GPR107: variants seen among roughly 807,000 people sequenced by gnomAD.
The protein encoded by GPR107 is protein GPR107.
In GPR107, 31 loss-of-function variants were observed where a neutral mutation model predicts 75.5. The ratio of observed to expected loss-of-function variants is 0.41; its 90% confidence interval spans 0.31 to 0.55. GPR107 has a LOEUF of 0.55. Ranked by LOEUF, GPR107 falls within the 20% of genes least tolerant of loss-of-function variation. GPR107 has a pLI of 0.26. For synonymous variants in GPR107, 267 were observed against 251.3 expected (o/e 1.06, Z -0.59); for missense variants, 572 against 665.7 (o/e 0.86, Z 1.55).
chr9:130,110,354 C>A, intron 14 of GPR107: 3 of 1,506,280 alleles, frequency 2.0e-6, no homozygotes, highest in Non-Finnish European at 2.7e-6. Context: ...GGCAGTTTCT[C>A]ATTTTTTTCC....
intron 15 of GPR107, among the ~76,000 whole-genome samples, chr9:130,125,874 C>T (rs943149211): frequency 6.6e-6 from 1 of 151,636 alleles, no homozygotes; most frequent in Non-Finnish European, 1.5e-5. Context: ...ATGGTGAAAC[C>T]CCATCTCTAC....
chr9:130,068,021 C>T lies in GPR107; in HGVS notation c.142-7615C>T, dbSNP rs541742651. 5.3e-5 allele frequency among the ~76,000 whole-genome samples: 8 copies of T among 151,700 alleles called. No homozygotes were observed. In the East Asian group the frequency reaches 9.7e-4, roughly 18 times the overall value. ...CCCCAAAGTGCTGGGATTACAGGTG[C>T]GAGCCATCGAGCTCAGCCATGATTG... is the stretch of plus-strand genomic sequence containing the variant. On this transcript the variant is annotated intron_variant, in intron 1 of 17. Transcript: ENST00000347136.
At chr9:130,062,500 T>C (rs79139660) in intron 1 of GPR107, among the ~76,000 whole-genome samples, 3,260 of 151,504 alleles carry the variant, frequency 0.022, 48 homozygotes, top group Middle Eastern at 0.035. Flanking sequence ...GTTCATTCAT[T>C]CAACGTTTAT....
chr9:130,094,374 G>T (rs1212622783), intron 9 of GPR107, among the ~76,000 whole-genome samples: 1 of 152,124 alleles, frequency 6.6e-6, no homozygotes, highest in Non-Finnish European at 1.5e-5. Context: ...AACCTGGGAG[G>T]TGGAGCTTGC....
chr9:130,106,381 G>A (rs546104735), intron 13 of GPR107, among the ~76,000 whole-genome samples: 5 of 151,908 alleles, frequency 3.3e-5, no homozygotes, highest in Non-Finnish European at 7.4e-5. Flanking sequence ...GGCGGATCAC[G>A]AGGTCAAGAG....
intron 4 of GPR107, 94 bp downstream of exon 4, chr9:130,077,472 C>T (rs898230278): frequency 6.7e-6 from 5 of 741,062 alleles, no homozygotes; most frequent in African/African-American, 1.7e-5. Context: ...CTGCCATGTG[C>T]CAGAGACCGT....
chr9:130,104,315 C>A, intron 12 of GPR107, 105 bp from the exon 13 acceptor site: 1 of 906,332 alleles, frequency 1.1e-6, no homozygotes, highest in Non-Finnish European at 1.7e-6. Context: ...GCTGTGGTCG[C>A]AGATCGTGGG....
chr9:130,135,264 C>T lies in GPR107; in HGVS notation c.*143C>T, dbSNP rs73541567. The stretch of plus-strand genomic sequence containing the variant: ...GGCACATGGCTGGAGCACAGTGCCG[C>T]GGAAACCTGATTTTGTACTCTCTTT... On this transcript the variant is annotated 3_prime_UTR_variant, in exon 18 of 18. Coordinates refer to ENST00000347136, the MANE Select transcript of GPR107 (RefSeq NM_020960.5). The T allele has an allele frequency of 0.06, 32,665 of 541,290 alleles. 1,176 individuals carry two copies. The highest frequency in any genetic ancestry group is 0.11 in the Admixed American group (3,116 of 28,520). 33.5% of individuals were successfully genotyped at this position (541,290 alleles called of 1,614,324 possible).
At chr9:130,064,127 T>C (rs1389611573) in intron 1 of GPR107, among the ~76,000 whole-genome samples, 1 of 151,506 alleles carries the variant, frequency 6.6e-6, no homozygotes, top group Non-Finnish European at 1.5e-5. Flanking sequence ...TTTATTCTTT[T>C]TGTAACTAAT....
chr9:130,134,998 C>A, intron 17 of GPR107, 27 bp from the exon 18 acceptor site: 1 of 1,307,030 alleles, frequency 7.7e-7, no homozygotes, highest in Non-Finnish European at 1.1e-6. Flanking sequence ...TGAGATGTTC[C>A]TAATTGTTTT....
Position 130,075,622 on chromosome 9 carries a change from A to T in GPR107, c.142-14A>T. 2 of 1,329,792 alleles carry T rather than the reference A, an allele frequency of 1.5e-6. No individual in the cohort carries two copies. The highest frequency in any genetic ancestry group is 2.2e-6 in the Non-Finnish European group (2 of 921,184). 82.4% of individuals were successfully genotyped at this position (1,329,792 alleles called of 1,614,324 possible). A position where few individuals can be genotyped will look rare whatever the true frequency, so the allele number is the denominator to read the frequency against. On this transcript the variant is annotated splice_polypyrimidine_tract_variant and intron_variant, in intron 1 of 17. Coordinates refer to ENST00000347136, the MANE Select transcript of GPR107 (RefSeq NM_020960.5). ...TTTCCATATGACTAATTCCACCACTACAAATCTCTTTAGGATGATGTGAGG... is the reference window on the plus strand; with the variant it reads ...TTTCCATATGACTAATTCCACCACTTCAAATCTCTTTAGGATGATGTGAGG...
Position 130,087,805 on chromosome 9 carries a change from C to CAAAAAAAAAAAAAAAAAAA in GPR107, c.621+1331_621+1349dup, listed in dbSNP as rs35984705. On this transcript the variant is annotated intron_variant, in intron 7 of 17. Coordinates refer to ENST00000347136, the MANE Select transcript of GPR107 (RefSeq NM_020960.5). ...TGGGTGACAGAGTGAGACCCTGTCT[C>CAAAAAAAAAAAAAAAAAAA]AAAAAAAAAAAAAAAAAAAAGCCTA... 4.6e-4 allele frequency among the ~76,000 whole-genome samples: 40 copies of CAAAAAAAAAAAAAAAAAAA among 87,628 alleles called. 1 individual carries two copies. The highest frequency in any genetic ancestry group is 5.6e-4 in the Non-Finnish European group (26 of 46,562). The allele number at this position is 87,628 out of a possible 152,430, so 57.5% of individuals were successfully genotyped here.
chr9:130,085,750 T>G (rs1036983206), intron 6 of GPR107, among the ~76,000 whole-genome samples: 3 of 123,250 alleles, frequency 2.4e-5, no homozygotes, highest in African/African-American at 9.4e-5. Context: ...ATGGCAATAT[T>G]TTGATTTTTT....
intron 6 of GPR107, 101 bp downstream of exon 6, chr9:130,083,703 T>G: frequency 1.6e-6 from 1 of 636,060 alleles, no homozygotes; most frequent in Non-Finnish European, 2.5e-6. Context: ...TATACATACA[T>G]GCATGCACAG....
At chr9:130,110,539 C>T (rs370593218) in intron 14 of GPR107, 46 of 680,758 alleles carry the variant, frequency 6.8e-5, no homozygotes, top group African/African-American at 3.6e-4. Context: ...CAGATTAGAA[C>T]GGGATTGTCA....
At chr9:130,060,402 G>GTTTTTTTTT (rs11403227) in intron 1 of GPR107, among the ~76,000 whole-genome samples, 1 of 75,906 alleles carries the variant, frequency 1.3e-5, no homozygotes, top group African/African-American at 6.0e-5. Context: ...GATAATCCGA[G>GTTTTTTTTT]TTTTTTTTTT....
At chr9:130,134,020 A>G (rs1226935065) in intron 17 of GPR107, among the ~76,000 whole-genome samples, 1 of 152,056 alleles carries the variant, frequency 6.6e-6, no homozygotes, top group African/African-American at 2.4e-5. Flanking sequence ...TGGCAGAGGG[A>G]TGGGTTGGGT....
intron 1 of GPR107, among the ~76,000 whole-genome samples, chr9:130,059,055 T>C (rs924459456): frequency 6.6e-6 from 1 of 152,224 alleles, no homozygotes; most frequent in Admixed American, 6.5e-5. Flanking sequence ...CTGGGTCATA[T>C]GATAGATTTA....
chr9:130,135,217 GCA>G lies in GPR107; in HGVS notation c.*98_*99del, dbSNP rs1831923643. On this transcript the variant is annotated 3_prime_UTR_variant, in exon 18 of 18. Coordinates refer to ENST00000347136, the MANE Select transcript of GPR107 (RefSeq NM_020960.5). Reference sequence around the variant, plus strand: ...GAGCAGCTCCTACAGTGAACTATTGGCACCACCGACAGTGACACCAGGGCACA... The same window carrying G: ...GAGCAGCTCCTACAGTGAACTATTGGCCACCGACAGTGACACCAGGGCACA... The G allele has an allele frequency of 1.9e-5, 12 of 639,598 alleles. No individual in the cohort carries two copies. In the East Asian group the frequency reaches 3.3e-4, roughly 18 times the overall value. The allele number at this position is 639,598 out of a possible 1,614,324, so 39.6% of individuals were successfully genotyped here.
Sources: gnomAD v4.1 joint callset for allele counts (sites outside exome capture counted in the v4.1 genomes callset) on GRCh38, gnomAD v4.1.1 for gene constraint, MANE v1.5 for transcripts, NCBI Gene and HGNC (gene_info 2026-07-23, HGNC 2026-07-21) for gene names.